The following CPA6 variants were observed in gnomAD, a reference collection of about 807,000 sequenced individuals.
CPA6 encodes the protein carboxypeptidase B.
In CPA6, 58 loss-of-function variants were observed where a neutral mutation model predicts 63.3. The observed-to-expected ratio is 0.92, with a 90% CI of 0.74 to 1.14. The LOEUF is 1.14. Among genes scored for constraint, CPA6 ranks in the 50% most tolerant of loss-of-function variants. CPA6 has a pLI of 0.00. For synonymous variants in CPA6, 185 were observed against 179.0 expected (o/e 1.03, Z -0.27); for missense variants, 565 against 526.6 (o/e 1.07, Z -0.71).
intron 8 of CPA6, among the ~76,000 whole-genome samples, chr8:67,442,968 G>A (rs998045937): frequency 3.3e-5 from 5 of 152,054 alleles, no homozygotes; most frequent in Non-Finnish European, 5.9e-5. Context: ...TCTTAGAGCT[G>A]CATATTAGTC....
intron 1 of CPA6, among the ~76,000 whole-genome samples, chr8:67,713,073 C>CTGTG (rs1165690969): frequency 1.4e-4 from 14 of 97,736 alleles, no homozygotes; most frequent in African/African-American, 5.8e-4. Flanking sequence ...ATGTGTGTAT[C>CTGTG]TGTGTGTGTA....
chr8:67,524,782 T>C (rs1212302962), intron 2 of CPA6, among the ~76,000 whole-genome samples: 1 of 152,128 alleles, frequency 6.6e-6, no homozygotes, highest in East Asian at 1.9e-4. Flanking sequence ...TTTAAATATA[T>C]CCTCTCTCCA....
intron 2 of CPA6, among the ~76,000 whole-genome samples, chr8:67,522,088 C>T (rs1182604840): frequency 6.6e-6 from 1 of 152,104 alleles, no homozygotes; most frequent in African/African-American, 2.4e-5. Flanking sequence ...AGCCTGAAAA[C>T]CAAGCTGTCA....
chr8:67,618,264 AT>A (rs916780234), intron 2 of CPA6, among the ~76,000 whole-genome samples: 1 of 152,212 alleles, frequency 6.6e-6, no homozygotes, highest in Non-Finnish European at 1.5e-5. Context: ...CACAGCATGA[AT>A]TCTACCACCC....
At chr8:67,745,365 C>T (rs1817988581) in intron 1 of CPA6, among the ~76,000 whole-genome samples, 1 of 152,188 alleles carries the variant, frequency 6.6e-6, no homozygotes, top group African/African-American at 2.4e-5. Context: ...ACACGGCTTC[C>T]AGCCCTCTGC....
intron 1 of CPA6, among the ~76,000 whole-genome samples, chr8:67,659,923 A>G (rs1816071109): frequency 6.6e-6 from 1 of 152,226 alleles, no homozygotes; most frequent in South Asian, 2.1e-4. Flanking sequence ...ATAAGGCAAA[A>G]TGATTTTCAA....
chr8:67,665,311 C>T lies in CPA6; in HGVS notation c.117-41060G>A, dbSNP rs530960451. 1.2e-4 allele frequency among the ~76,000 whole-genome samples: 18 copies of T among 152,286 alleles called. No homozygotes were observed. In the South Asian group the frequency reaches 2.3e-3, roughly 19 times the overall value. On this transcript the variant is annotated intron_variant, in intron 1 of 10. Transcript: ENST00000297770. ...TGCAATAATGATCTTTAGGACCTTG[C>T]GTGACCGAGTTTCTTCATGAAGTGG...
chr8:67,565,173 T>TTTC (rs1415529622), intron 2 of CPA6, among the ~76,000 whole-genome samples: 4 of 150,346 alleles, frequency 2.7e-5, no homozygotes, highest in East Asian at 3.9e-4. Flanking sequence ...TTTCTTTCTT[T>TTTC]TTTTTTTTTG....
intron 2 of CPA6, among the ~76,000 whole-genome samples, chr8:67,534,065 TG>T (rs1812532498): frequency 6.6e-6 from 1 of 152,212 alleles, no homozygotes; most frequent in African/African-American, 2.4e-5. Flanking sequence ...GAACAGAGCA[TG>T]CTCTCTGCTG....
intron 1 of CPA6, among the ~76,000 whole-genome samples, chr8:67,642,427 T>C (rs184531646): frequency 8.5e-5 from 13 of 152,312 alleles, no homozygotes; most frequent in Middle Eastern, 3.4e-3. Flanking sequence ...TACCCTCAAA[T>C]TTATCTATAG....
chr8:67,437,614 A>T (rs958296826), intron 8 of CPA6, among the ~76,000 whole-genome samples: 2 of 152,206 alleles, frequency 1.3e-5, no homozygotes, highest in East Asian at 3.8e-4. Context: ...GTAGGAGGGC[A>T]CTGGAAACAA....
At chr8:67,640,687 C>T (rs536454774) in intron 1 of CPA6, among the ~76,000 whole-genome samples, 1 of 151,488 alleles carries the variant, frequency 6.6e-6, no homozygotes, top group South Asian at 2.1e-4. Context: ...GCCTGGGGAG[C>T]TCCTGCCCCA....
At chr8:67,572,351 G>GT (rs1813506221) in intron 2 of CPA6, among the ~76,000 whole-genome samples, 4 of 152,314 alleles carry the variant, frequency 2.6e-5, no homozygotes, top group Admixed American at 2.6e-4. Context: ...TCTCCTAGTA[G>GT]TAAGTTCTTG....
chr8:67,640,948 C>G (rs1252838675), intron 1 of CPA6, among the ~76,000 whole-genome samples: 1 of 151,660 alleles, frequency 6.6e-6, no homozygotes, highest in Non-Finnish European at 1.5e-5. Flanking sequence ...GAGGTTGAGG[C>G]AGCGACAGAG....
intron 8 of CPA6, among the ~76,000 whole-genome samples, chr8:67,482,186 T>C (rs1289823626): frequency 6.6e-6 from 1 of 152,204 alleles, no homozygotes; most frequent in Non-Finnish European, 1.5e-5. Context: ...TAAGTTTACA[T>C]AGGCAGAGCT....
At chr8:67,745,892 C>G (rs16933590) in intron 1 of CPA6, 122 bp downstream of exon 1, 13,409 of 589,862 alleles carry the variant, frequency 0.023, 340 homozygotes, top group African/African-American at 0.09. Flanking sequence ...TATAGAGGAC[C>G]GTGAAAGTGT....
chr8:67,605,924 C>G (rs1191608468), intron 2 of CPA6, among the ~76,000 whole-genome samples: 6 of 151,966 alleles, frequency 3.9e-5, no homozygotes, highest in Non-Finnish European at 1.5e-5. Flanking sequence ...AGCCTTGGAC[C>G]ATAGGGGGAA....
intron 5 of CPA6, among the ~76,000 whole-genome samples, chr8:67,508,318 A>G (rs973491784): frequency 6.6e-6 from 1 of 152,026 alleles, no homozygotes; most frequent in African/African-American, 2.4e-5. Flanking sequence ...GGAATTTAGG[A>G]TGATGTCCAT....
intron 1 of CPA6, among the ~76,000 whole-genome samples, chr8:67,640,278 A>C (rs1334193908): frequency 2.0e-5 from 3 of 151,038 alleles, no homozygotes; most frequent in Admixed American, 6.6e-5. Flanking sequence ...CATGGCACCT[A>C]GGCTATTTGT....
Sources: allele counts gnomAD v4.1 joint callset (sites outside exome capture counted in the v4.1 genomes callset), GRCh38; gene constraint gnomAD v4.1.1; transcripts MANE v1.5; gene names NCBI Gene and HGNC (gene_info 2026-07-23, HGNC 2026-07-21).